The following ESYT2 variants were observed in gnomAD, a reference collection of about 807,000 sequenced individuals.
ESYT2 encodes extended synaptotagmin-2.
A neutral mutation model predicts 107.2 loss-of-function variants in ESYT2; 54 were observed. The ratio of observed to expected loss-of-function variants is 0.50; its 90% CI spans 0.40 to 0.63. The LOEUF is 0.63. ESYT2 is among the 30% of genes least tolerant of loss of function. The pLI is 0.00. For missense variants in ESYT2, 1,020 were observed against 1,094.5 expected (o/e 0.93, Z 0.96); for synonymous variants, 491 against 434.1 (o/e 1.13, Z -1.63).
Position 158,752,858 on chromosome 7 carries a change from G to A in ESYT2, c.1420-15C>T. On this transcript the variant is annotated splice_polypyrimidine_tract_variant and intron_variant, in intron 13 of 22. Coordinates refer to ENST00000275418, the MANE Select transcript of ESYT2 (RefSeq NM_001367773.1). ...AATGGGTTACTCTTTCAAGTCAGAA[G>A]AAAACGAATATGCCAAGGGTTAATA... is the stretch of plus-strand genomic sequence containing the variant. 7.7e-7 allele frequency: 1 copy of A among 1,299,054 alleles called. No homozygotes were observed. Among genetic ancestry groups the A allele is most frequent in the Non-Finnish European group, 1.0e-6 (1 of 984,866 alleles). 80.5% of individuals were successfully genotyped at this position (1,299,054 alleles called of 1,614,324 possible). A position where few individuals can be genotyped will look rare whatever the true frequency, so the allele number is the denominator to read the frequency against.
intron 8 of ESYT2, 130 bp downstream of exon 8, chr7:158,767,524 T>C (rs1838203898): frequency 1.0e-5 from 12 of 1,181,108 alleles, no homozygotes; most frequent in Non-Finnish European, 1.3e-5. Flanking sequence ...CAATAGTCAA[T>C]GCATCAAGAC....
chr7:158,743,434 T>C (rs1837281509), intron 17 of ESYT2, 95 bp downstream of exon 17: 2 of 1,496,406 alleles, frequency 1.3e-6, no homozygotes, highest in East Asian at 2.5e-5. Context: ...GACACAGAGC[T>C]TTCTTCACCG....
intron 6 of ESYT2, among the ~76,000 whole-genome samples, chr7:158,782,442 AAGAACG>A (rs1274119076): frequency 1.3e-5 from 2 of 151,894 alleles, no homozygotes; most frequent in East Asian, 2.0e-4. Flanking sequence ...GTGTGAGTGT[AAGAACG>A]AGAACAAGTG....
intron 4 of ESYT2, 124 bp downstream of exon 4, chr7:158,793,526 T>C: frequency 5.6e-6 from 4 of 712,660 alleles, no homozygotes; most frequent in Non-Finnish European, 9.6e-6. Flanking sequence ...CTAACAAGAA[T>C]TTAGTCGAAT....
chr7:158,751,473 GT>G (rs1208173799), intron 14 of ESYT2, among the ~76,000 whole-genome samples: 1 of 152,142 alleles, frequency 6.6e-6, no homozygotes, highest in African/African-American at 2.4e-5. Flanking sequence ...AAGTCAGATT[GT>G]CTTGAACTTA....
At chr7:158,741,999 CTT>C (rs34849374) in intron 17 of ESYT2, 103 bp from the exon 18 acceptor site, 261,848 of 1,403,088 alleles carry the variant, frequency 0.19, 29,558 homozygotes, top group East Asian at 0.56. Context: ...TTCTTTAAAA[CTT>C]AGCTCAAAAA....
At chr7:158,826,368 A>C (rs1840444726) in intron 1 of ESYT2, among the ~76,000 whole-genome samples, 1 of 152,202 alleles carries the variant, frequency 6.6e-6, no homozygotes, top group South Asian at 2.1e-4. Context: ...CACATGTGGG[A>C]TTATGAGCTC....
intron 1 of ESYT2, among the ~76,000 whole-genome samples, chr7:158,808,345 C>T (rs1563034477): frequency 1.3e-5 from 2 of 152,262 alleles, no homozygotes; most frequent in Admixed American, 6.5e-5. Context: ...ATGCTCCCGC[C>T]CACTCACCTG....
At chr7:158,755,981 G>A (rs1404109594) in intron 13 of ESYT2, among the ~76,000 whole-genome samples, 5 of 152,300 alleles carry the variant, frequency 3.3e-5, no homozygotes, top group South Asian at 2.1e-4. Flanking sequence ...AAACCTGCAC[G>A]TTGTGCACAT....
rs769977224 is a variant in ESYT2, at chr7:158,799,019, C to T, written c.372+12G>A. 1.2e-5 allele frequency: 20 copies of T among 1,611,810 alleles called. No homozygotes were observed. The South Asian group carries it at 2.1e-4, about 17-fold the overall frequency. Reference sequence around the variant, plus strand: ...CCACTGATGGATGGTAGTTGGTATACTCTAATCTTACCTTATTTAGCCATT... The same window carrying T: ...CCACTGATGGATGGTAGTTGGTATATTCTAATCTTACCTTATTTAGCCATT... On this transcript the variant is annotated intron_variant, in intron 2 of 22. Transcript: ENST00000275418.
At chr7:158,737,321 C>T (rs1381102263) in intron 19 of ESYT2, 142 bp from the exon 20 acceptor site, 7 of 1,099,396 alleles carry the variant, frequency 6.4e-6, no homozygotes, top group Non-Finnish European at 8.7e-6. Context: ...GCGTGAGGCG[C>T]TTTTGCCTCC....
intron 13 of ESYT2, among the ~76,000 whole-genome samples, chr7:158,756,857 C>T (rs987023855): frequency 4.8e-5 from 7 of 147,328 alleles, no homozygotes; most frequent in South Asian, 2.1e-4. Flanking sequence ...TGCAGTGAGC[C>T]GAGACCATGC....
chr7:158,740,099 G>A (rs147026056), intron 18 of ESYT2, among the ~76,000 whole-genome samples: 8 of 152,294 alleles, frequency 5.3e-5, no homozygotes, highest in East Asian at 3.9e-4. Context: ...CTCCACCGGC[G>A]CTAACTGCAG....
intron 6 of ESYT2, among the ~76,000 whole-genome samples, chr7:158,783,387 T>G (rs1041688981): frequency 1.4e-4 from 22 of 152,302 alleles, no homozygotes; most frequent in African/African-American, 4.8e-4. Context: ...TGCATTGAGC[T>G]CCACAGTTCA....
chr7:158,829,024 T>C, intron 1 of ESYT2, 65 bp downstream of exon 1: 1 of 1,533,222 alleles, frequency 6.5e-7, no homozygotes. Context: ...GGGGAGTGCC[T>C]GCCTGGACGA....
chr7:158,744,490 T>A (rs369972730), intron 16 of ESYT2, among the ~76,000 whole-genome samples: 4 of 152,198 alleles, frequency 2.6e-5, no homozygotes, highest in African/African-American at 7.2e-5. Flanking sequence ...GCCTTCTCCA[T>A]TCAAAATCCA....
intron 7 of ESYT2, among the ~76,000 whole-genome samples, chr7:158,769,853 T>C (rs1394608243): frequency 3.3e-5 from 5 of 152,220 alleles, no homozygotes; most frequent in African/African-American, 1.2e-4. Flanking sequence ...AACATGTGGA[T>C]GCTCATTTTA....
rs1230608340 is a variant in ESYT2, at chr7:158,798,046, G to T, written c.403C>A (p.Gln135Lys). Reference protein sequence around the residue: ...TVKHMWPFICQFIEKLFRETI... With the variant: ...TVKHMWPFICKFIEKLFRETI... The stretch of plus-strand genomic sequence containing the variant: ...TCTCGAAACAACTTCTCTATAAATT[G>T]GCAAATGAAAGGCCACATGTGTTTT... Residue 135 changes from glutamine (Q) to lysine (K), a missense_variant, in exon 3 of 23, where the codon CAA becomes AAA. Transcript: ENST00000275418. The T allele has an allele frequency of 6.2e-7, 1 of 1,614,032 alleles. No individual in the cohort carries two copies. The highest frequency in any genetic ancestry group is 2.2e-5 in the East Asian group (1 of 44,880).
intron 1 of ESYT2, among the ~76,000 whole-genome samples, chr7:158,814,440 A>G (rs1450561622): frequency 2.0e-5 from 3 of 151,580 alleles, no homozygotes; most frequent in African/African-American, 4.9e-5. Flanking sequence ...CACAGATCAA[A>G]AACGTTTTAA....
Sources: gnomAD v4.1 joint callset for allele counts (sites outside exome capture counted in the v4.1 genomes callset) on GRCh38, gnomAD v4.1.1 for gene constraint, MANE v1.5 for transcripts, NCBI Gene and HGNC (gene_info 2026-07-23, HGNC 2026-07-21) for gene names.